PACSIN2: variants seen among roughly 807,000 people sequenced by gnomAD.
PACSIN2 encodes the protein protein kinase C and casein kinase substrate in neurons protein 2.
A neutral mutation model predicts 63.8 loss-of-function variants in PACSIN2; 25 were observed. That is an observed-to-expected ratio of 0.39 (90% CI 0.29 to 0.55). The LOEUF is 0.55. Among genes scored for constraint, PACSIN2 ranks in the 20% least tolerant of loss-of-function variants. The pLI is 0.62. For missense variants in PACSIN2, 518 were observed against 646.9 expected (o/e 0.80, Z 2.16); for synonymous variants, 255 against 256.2 (o/e 1.00, Z 0.05).
intron 2 of PACSIN2, 62 bp downstream of exon 2, chr22:42,911,959 A>T: frequency 1.6e-6 from 2 of 1,280,214 alleles, no homozygotes; most frequent in Non-Finnish European, 2.2e-6. Flanking sequence ...AAAAAACCAA[A>T]GGGCCTGCCA....
At chr22:42,956,805 C>G (rs1455904894) in intron 1 of PACSIN2, among the ~76,000 whole-genome samples, 1 of 152,160 alleles carries the variant, frequency 6.6e-6, no homozygotes, top group Non-Finnish European at 1.5e-5. Context: ...AGCACTGCAA[C>G]AGTCTGGTAT....
At chr22:42,936,029 C>A (rs984353089) in intron 1 of PACSIN2, among the ~76,000 whole-genome samples, 2 of 151,960 alleles carry the variant, frequency 1.3e-5, no homozygotes, top group African/African-American at 2.4e-5. Context: ...CTGGCTAACA[C>A]GGTGAAACCC....
chr22:43,007,304 C>T (rs189643615), intron 1 of PACSIN2, among the ~76,000 whole-genome samples: 223 of 151,830 alleles, frequency 1.5e-3, no homozygotes, highest in African/African-American at 5.1e-3. Context: ...GCAATCTCTG[C>T]CCCCAGGTTC....
intron 1 of PACSIN2, among the ~76,000 whole-genome samples, chr22:42,977,852 AG>A (rs971832993): frequency 6.6e-6 from 1 of 152,144 alleles, no homozygotes; most frequent in Non-Finnish European, 1.5e-5. Context: ...TAGTTTCCTG[AG>A]GCCTCCTAGC....
intron 2 of PACSIN2, among the ~76,000 whole-genome samples, chr22:42,902,185 G>A (rs1193000716): frequency 1.3e-5 from 2 of 152,232 alleles, no homozygotes; most frequent in Non-Finnish European, 2.9e-5. Context: ...CACATTGTGA[G>A]AAGGAACACT....
chr22:42,960,461 G>T (rs1025254307), intron 1 of PACSIN2, among the ~76,000 whole-genome samples: 2 of 152,170 alleles, frequency 1.3e-5, no homozygotes, highest in Non-Finnish European at 2.9e-5. Context: ...TCAGCAGCAC[G>T]ACTGTCTCCT....
At chr22:42,995,544 G>A (rs909475223) in intron 1 of PACSIN2, among the ~76,000 whole-genome samples, 1 of 152,180 alleles carries the variant, frequency 6.6e-6, no homozygotes, top group African/African-American at 2.4e-5. Context: ...AGTGTCTGGT[G>A]TGGAAAAACC....
chr22:42,904,479 G>A (rs1236206393), intron 2 of PACSIN2, among the ~76,000 whole-genome samples: 3 of 152,184 alleles, frequency 2.0e-5, no homozygotes. Flanking sequence ...CTGCCATGGC[G>A]AGATCACCTG....
At chr22:42,981,282 G>A (rs1181315336) in intron 1 of PACSIN2, among the ~76,000 whole-genome samples, 2 of 133,438 alleles carry the variant, frequency 1.5e-5, no homozygotes, top group Non-Finnish European at 1.6e-5. Flanking sequence ...GAGCCCCTCC[G>A]TCCGGCAACC....
At chr22:42,964,591 G>A (rs1306386010) in intron 1 of PACSIN2, among the ~76,000 whole-genome samples, 1 of 152,138 alleles carries the variant, frequency 6.6e-6, no homozygotes, top group Non-Finnish European at 1.5e-5. Flanking sequence ...CTGAGTGGCA[G>A]GTGGCTGGCA....
At position 42,878,405 on chromosome 22, in the gene PACSIN2, G is replaced by C. The variant is rs183030456; in HGVS notation, c.1028+643C>G. Among the ~76,000 whole-genome samples, 325 of 152,304 alleles carry C rather than the reference G, an allele frequency of 2.1e-3. 2 individuals are homozygous for C. Among genetic ancestry groups the C allele is most frequent in the Non-Finnish European group, 3.2e-3 (217 of 68,010 alleles). On this transcript the variant is annotated intron_variant, in intron 8 of 10. Coordinates refer to ENST00000263246, the MANE Select transcript of PACSIN2 (RefSeq NM_001184970.3). Reference sequence around the variant, plus strand: ...TTCTTAGGAAGCCCCCGTATGAAATGACTATTACTGAGTGTCACATGGAGG... The same window carrying C: ...TTCTTAGGAAGCCCCCGTATGAAATCACTATTACTGAGTGTCACATGGAGG...
intron 1 of PACSIN2, among the ~76,000 whole-genome samples, chr22:43,004,813 C>G (rs1027181500): frequency 9.2e-5 from 14 of 152,214 alleles, no homozygotes; most frequent in Admixed American, 2.6e-4. Flanking sequence ...CCTCCCTGGG[C>G]GCTCTGGGCT....
intron 4 of PACSIN2, among the ~76,000 whole-genome samples, chr22:42,889,675 A>C (rs1929761527): frequency 6.6e-6 from 1 of 152,084 alleles, no homozygotes; most frequent in Admixed American, 6.6e-5. Flanking sequence ...TGGGGGTGGC[A>C]CATCTACCGT....
intron 1 of PACSIN2, among the ~76,000 whole-genome samples, chr22:42,994,718 G>A (rs939705366): frequency 6.6e-6 from 1 of 152,138 alleles, no homozygotes. Context: ...CACCCTATAG[G>A]GACAGTCACA....
intron 2 of PACSIN2, among the ~76,000 whole-genome samples, chr22:42,898,938 G>C (rs1005051270): frequency 6.6e-6 from 1 of 152,124 alleles, no homozygotes; most frequent in Non-Finnish European, 1.5e-5. Flanking sequence ...CAGGCGTGCT[G>C]GGGGGACTAT....
chr22:42,933,248 T>C (rs752465953), intron 1 of PACSIN2, among the ~76,000 whole-genome samples: 4 of 152,172 alleles, frequency 2.6e-5, no homozygotes, highest in South Asian at 2.1e-4. Flanking sequence ...TTTCCTTAAA[T>C]CCTGAACAAC....
chr22:42,939,440 G>A (rs1933049743), intron 1 of PACSIN2, among the ~76,000 whole-genome samples: 2 of 152,172 alleles, frequency 1.3e-5, no homozygotes, highest in African/African-American at 4.8e-5. Context: ...AGATGTACAA[G>A]AGTCTAAAGA....
intron 1 of PACSIN2, among the ~76,000 whole-genome samples, chr22:42,940,695 C>T (rs1264722651): frequency 6.6e-6 from 1 of 152,188 alleles, no homozygotes; most frequent in African/African-American, 2.4e-5. Flanking sequence ...CACCTCCTCC[C>T]CTACCTTGGG....
chr22:42,996,081 G>A (rs1291269704), intron 1 of PACSIN2, among the ~76,000 whole-genome samples: 1 of 151,884 alleles, frequency 6.6e-6, no homozygotes, highest in African/African-American at 2.4e-5. Flanking sequence ...TTAGCTGGGC[G>A]TGGTGGTGGG....
Sources: gnomAD v4.1 joint callset for allele counts (sites outside exome capture counted in the v4.1 genomes callset) on GRCh38, gnomAD v4.1.1 for gene constraint, MANE v1.5 for transcripts, NCBI Gene and HGNC (gene_info 2026-07-23, HGNC 2026-07-21) for gene names.